UTRN: variants seen among roughly 807,000 people sequenced by gnomAD.
UTRN encodes the protein dystrophin-related protein 1.
Under a neutral mutation model 463.9 loss-of-function variants are expected in UTRN, and 283 were observed. The observed-to-expected ratio is 0.61, with a 90% confidence interval of 0.55 to 0.67. The LOEUF is 0.67. UTRN is among the 30% of genes least tolerant of loss of function. The probability of loss-of-function intolerance (pLI) is 0.00; values close to 1 mark genes in which losing one functional copy is unlikely to be tolerated. For synonymous variants in UTRN, 1,442 were observed against 1,431.5 expected (o/e 1.01, Z -0.17); for missense variants, 3,922 against 4,084.3 (o/e 0.96, Z 1.08).
intron 51 of UTRN, among the ~76,000 whole-genome samples, chr6:144,653,268 G>C (rs1447904030): frequency 6.6e-6 from 1 of 152,066 alleles, no homozygotes; most frequent in Non-Finnish European, 1.5e-5. Flanking sequence ...ACATATTAGA[G>C]GTTAATTATT....
At chr6:144,558,641 T>TA (rs1164071597) in intron 50 of UTRN, among the ~76,000 whole-genome samples, 1 of 151,344 alleles carries the variant, frequency 6.6e-6, no homozygotes, top group Non-Finnish European at 1.5e-5. Context: ...TAATAATAAT[T>TA]AAAAAAAAGA....
intron 23 of UTRN, among the ~76,000 whole-genome samples, 186 bp downstream of exon 23, chr6:144,463,052 G>T (rs752837576): frequency 6.6e-6 from 1 of 152,026 alleles, no homozygotes; most frequent in Non-Finnish European, 1.5e-5. Context: ...ATTTCCTTTT[G>T]CCTGGAAGCA....
chr6:144,689,615 G>A (rs1173012256), intron 52 of UTRN, among the ~76,000 whole-genome samples: 1 of 152,184 alleles, frequency 6.6e-6, no homozygotes, highest in Non-Finnish European at 1.5e-5. Context: ...CTGGTGCAGG[G>A]GGAATGTCTG....
At chr6:144,385,447 G>A (rs1781328101) in intron 2 of UTRN, among the ~76,000 whole-genome samples, 1 of 152,184 alleles carries the variant, frequency 6.6e-6, no homozygotes, top group Non-Finnish European at 1.5e-5. Context: ...ATACTTACCA[G>A]CTATAAGCTT....
chr6:144,341,263 A>G (rs921348224), intron 2 of UTRN, among the ~76,000 whole-genome samples: 7 of 152,246 alleles, frequency 4.6e-5, no homozygotes, highest in African/African-American at 1.7e-4. Context: ...TACATCAAAA[A>G]ATAAGGAAAA....
chr6:144,709,654 C>T (rs919990452), intron 53 of UTRN, among the ~76,000 whole-genome samples: 4 of 152,106 alleles, frequency 2.6e-5, no homozygotes, highest in African/African-American at 7.2e-5. Context: ...ATTAATTTGA[C>T]GTAAACTCTC....
At chr6:144,449,422 T>A (rs1466384933) in intron 17 of UTRN, among the ~76,000 whole-genome samples, 1 of 152,202 alleles carries the variant, frequency 6.6e-6, no homozygotes, top group Non-Finnish European at 1.5e-5. Context: ...AGTCATTTCC[T>A]AGAATGTAGA....
chr6:144,501,492 A>G (rs1399638732), intron 34 of UTRN, among the ~76,000 whole-genome samples: 1 of 152,186 alleles, frequency 6.6e-6, no homozygotes, highest in African/African-American at 2.4e-5. Context: ...GCAAAAGCAT[A>G]TATTTAAAAA....
chr6:144,674,406 GTT>G (rs536049361), intron 51 of UTRN, among the ~76,000 whole-genome samples: 1 of 145,758 alleles, frequency 6.9e-6, no homozygotes. Flanking sequence ...GAGCTCTAAA[GTT>G]TTTTTTTTCT....
intron 53 of UTRN, among the ~76,000 whole-genome samples, chr6:144,720,311 A>G (rs1020066457): frequency 1.3e-5 from 2 of 152,212 alleles, no homozygotes; most frequent in African/African-American, 2.4e-5. Context: ...AGCAGGTGGG[A>G]GAAATGTTCC....
Position 144,447,205 on chromosome 6 carries a change from T to C in UTRN, c.1615-6T>C. 1 of 1,613,176 alleles carries C rather than the reference T, an allele frequency of 6.2e-7. No individual in the cohort carries two copies. The highest frequency in any genetic ancestry group is 8.5e-7 in the Non-Finnish European group (1 of 1,179,448). On this transcript the variant is annotated splice_region_variant and splice_polypyrimidine_tract_variant and intron_variant, in intron 14 of 74. Coordinates refer to ENST00000367545, the MANE Select transcript of UTRN (RefSeq NM_007124.3). Reference sequence around the variant, plus strand: ...GATAAAGTTCAACTTTTGTTATTACTTGTAGTGCTTGTTGAAAGCTTGGTT... The same window carrying C: ...GATAAAGTTCAACTTTTGTTATTACCTGTAGTGCTTGTTGAAAGCTTGGTT...
intron 33 of UTRN, among the ~76,000 whole-genome samples, chr6:144,498,107 A>G (rs1010475728): frequency 2.0e-5 from 3 of 152,266 alleles, no homozygotes; most frequent in Non-Finnish European, 4.4e-5. Flanking sequence ...AAAGTTAAAT[A>G]TGATGTCCAC....
chr6:144,363,063 A>G (rs1038663161), intron 2 of UTRN, among the ~76,000 whole-genome samples: 1 of 152,230 alleles, frequency 6.6e-6, no homozygotes, highest in Non-Finnish European at 1.5e-5. Flanking sequence ...TTCTCAGTAC[A>G]TAGCACTTTT....
intron 64 of UTRN, chr6:144,799,408 A>G: frequency 2.1e-6 from 1 of 471,262 alleles, no homozygotes; most frequent in Non-Finnish European, 4.4e-6. Flanking sequence ...TTAGCCTGGC[A>G]GACAGCTAGG....
intron 53 of UTRN, among the ~76,000 whole-genome samples, chr6:144,713,900 A>G (rs1466181791): frequency 6.6e-6 from 1 of 150,846 alleles, no homozygotes; most frequent in South Asian, 2.1e-4. Flanking sequence ...AGCCTGGGAA[A>G]CAAGAGTGAA....
At chr6:144,650,409 T>G (rs1202665063) in intron 51 of UTRN, among the ~76,000 whole-genome samples, 2 of 152,228 alleles carry the variant, frequency 1.3e-5, no homozygotes, top group Non-Finnish European at 2.9e-5. Flanking sequence ...AATTGGTGAT[T>G]CCAACTTGTT....
chr6:144,493,462 G>A lies in UTRN; in HGVS notation c.4593+6G>A. On this transcript the variant is annotated splice_donor_region_variant and intron_variant, in intron 33 of 74. Transcript: ENST00000367545. ...ACAATGACCTGGGCGCACAGGTGAG[G>A]AGAGCAGCCCCACAGCTCATCTCTC... 1 of 1,612,702 alleles carries A rather than the reference G, an allele frequency of 6.2e-7. No homozygotes were observed. Among genetic ancestry groups the A allele is most frequent in the East Asian group, 2.2e-5 (1 of 44,848 alleles).
chr6:144,372,113 G>A (rs771585936), intron 2 of UTRN, among the ~76,000 whole-genome samples: 1 of 152,238 alleles, frequency 6.6e-6, no homozygotes, highest in Non-Finnish European at 1.5e-5. Flanking sequence ...GTTAAGAAGG[G>A]CCTTCTGGTA....
At chr6:144,441,686 CTGTT>C (rs761229355) in intron 13 of UTRN, among the ~76,000 whole-genome samples, 2 of 152,230 alleles carry the variant, frequency 1.3e-5, no homozygotes, top group Admixed American at 6.5e-5. Context: ...AGTAGGGACT[CTGTT>C]TGGGCCACAT....
Sources: allele counts gnomAD v4.1 joint callset (sites outside exome capture counted in the v4.1 genomes callset), GRCh38; gene constraint gnomAD v4.1.1; transcripts MANE v1.5; gene names NCBI Gene and HGNC (gene_info 2026-07-23, HGNC 2026-07-21).